The following CADPS2 variants were observed in gnomAD, a reference collection of about 807,000 sequenced individuals.
The protein encoded by CADPS2 is calcium dependent secretion activator 2.
In CADPS2, 93 loss-of-function variants were observed where a neutral mutation model predicts 172.5. That is an observed-to-expected ratio of 0.54 (90% CI 0.46 to 0.64). The LOEUF is 0.64. CADPS2 is among the 30% of genes least tolerant of loss of function. CADPS2 has a pLI of 0.00. For synonymous variants in CADPS2, 546 were observed against 555.2 expected (o/e 0.98, Z 0.23); for missense variants, 1,420 against 1,565.9 (o/e 0.91, Z 1.57).
At chr7:122,872,307 T>C (rs897199557) in intron 1 of CADPS2, among the ~76,000 whole-genome samples, 1 of 152,166 alleles carries the variant, frequency 6.6e-6, no homozygotes, top group Non-Finnish European at 1.5e-5. Flanking sequence ...TAAATTTTCA[T>C]AATTACTTGA....
intron 1 of CADPS2, among the ~76,000 whole-genome samples, chr7:122,784,663 A>C (rs915566268): frequency 6.6e-6 from 1 of 152,146 alleles, no homozygotes; most frequent in Admixed American, 6.5e-5. Flanking sequence ...AGATGAGAAA[A>C]CCAGTGCCAG....
chr7:122,791,600 T>C (rs1481550540), intron 1 of CADPS2, among the ~76,000 whole-genome samples: 1 of 152,056 alleles, frequency 6.6e-6, no homozygotes, highest in East Asian at 1.9e-4. Context: ...TTTAATGACT[T>C]TATCAACATA....
At chr7:122,360,732 C>A in intron 27 of CADPS2, 56 bp downstream of exon 27, 1 of 1,479,660 alleles carries the variant, frequency 6.8e-7, no homozygotes, top group Non-Finnish European at 9.1e-7. Context: ...TGATGAACTG[C>A]AATTTTTTTT....
At chr7:122,724,779 T>C (rs917324837) in intron 2 of CADPS2, among the ~76,000 whole-genome samples, 1 of 152,082 alleles carries the variant, frequency 6.6e-6, no homozygotes, top group Non-Finnish European at 1.5e-5. Flanking sequence ...TCCTCTGTGC[T>C]GAAGCCTCCA....
At chr7:122,401,421 T>C (rs2045938997) in intron 20 of CADPS2, among the ~76,000 whole-genome samples, 1 of 152,188 alleles carries the variant, frequency 6.6e-6, no homozygotes, top group Admixed American at 6.5e-5. Flanking sequence ...GGTGACTAGC[T>C]CCAAGGGTTT....
At chr7:122,515,345 T>C (rs2060279249) in intron 8 of CADPS2, among the ~76,000 whole-genome samples, 2 of 152,194 alleles carry the variant, frequency 1.3e-5, no homozygotes, top group Non-Finnish European at 2.9e-5. Context: ...GCTTCTAATT[T>C]CTTCTCTGTG....
intron 8 of CADPS2, among the ~76,000 whole-genome samples, chr7:122,523,327 A>G (rs1208983459): frequency 6.6e-6 from 1 of 152,182 alleles, no homozygotes; most frequent in Non-Finnish European, 1.5e-5. Flanking sequence ...TAATTCTATA[A>G]AATGTAGTTT....
chr7:122,705,639 AATATATT>A (rs1424242994), intron 2 of CADPS2, among the ~76,000 whole-genome samples: 1 of 93,512 alleles, frequency 1.1e-5, no homozygotes, highest in Non-Finnish European at 1.9e-5. Flanking sequence ...TATGATATAT[AATATATT>A]ATATAATATA....
At chr7:122,405,824 T>C (rs973563416) in intron 20 of CADPS2, among the ~76,000 whole-genome samples, 2 of 152,058 alleles carry the variant, frequency 1.3e-5, no homozygotes, top group African/African-American at 4.8e-5. Flanking sequence ...TGAAATGAAA[T>C]TGGATAGGAG....
At chr7:122,619,247 T>C (rs1160294120) in intron 5 of CADPS2, among the ~76,000 whole-genome samples, 7 of 152,130 alleles carry the variant, frequency 4.6e-5, no homozygotes. Flanking sequence ...GAACTTTTAG[T>C]TCTGAATGTT....
chr7:122,588,987 G>A (rs1199828475), intron 6 of CADPS2, among the ~76,000 whole-genome samples: 1 of 151,984 alleles, frequency 6.6e-6, no homozygotes, highest in Non-Finnish European at 1.5e-5. Context: ...TGGGAGCCAG[G>A]AAACTTGCCT....
At chr7:122,807,156 C>T (rs1375828829) in intron 1 of CADPS2, among the ~76,000 whole-genome samples, 6 of 152,212 alleles carry the variant, frequency 3.9e-5, no homozygotes, top group Non-Finnish European at 7.3e-5. Flanking sequence ...TGCTGGTGGC[C>T]TACCCCAGCG....
intron 16 of CADPS2, among the ~76,000 whole-genome samples, 160 bp from the exon 17 acceptor site, chr7:122,438,624 G>A (rs1048640477): frequency 3.3e-5 from 5 of 151,982 alleles, no homozygotes; most frequent in African/African-American, 1.2e-4. Flanking sequence ...AACCTGGGGG[G>A]ATGTAATGGG....
At chr7:122,576,421 C>T (rs2068046757) in intron 7 of CADPS2, among the ~76,000 whole-genome samples, 2 of 152,126 alleles carry the variant, frequency 1.3e-5, no homozygotes, top group Non-Finnish European at 2.9e-5. Flanking sequence ...TATGTCATAC[C>T]TGTAGAGTAC....
At chr7:122,775,170 C>T (rs2093837714) in intron 1 of CADPS2, among the ~76,000 whole-genome samples, 1 of 152,178 alleles carries the variant, frequency 6.6e-6, no homozygotes, top group South Asian at 2.1e-4. Context: ...ATATTAAAAA[C>T]ATTTAACAAA....
intron 4 of CADPS2, among the ~76,000 whole-genome samples, chr7:122,625,722 C>A (rs2076021660): frequency 1.3e-5 from 2 of 152,208 alleles, no homozygotes; most frequent in East Asian, 1.9e-4. Context: ...CCAGTGCCCA[C>A]AGCCGTGGGA....
At chr7:122,512,850 GT>G (rs2060099779) in intron 9 of CADPS2, among the ~76,000 whole-genome samples, 1 of 152,050 alleles carries the variant, frequency 6.6e-6, no homozygotes, top group African/African-American at 2.4e-5. Flanking sequence ...GGTCAAAACT[GT>G]CTTTATAAGA....
At chr7:122,788,097 A>G (rs1049712979) in intron 1 of CADPS2, among the ~76,000 whole-genome samples, 5 of 152,202 alleles carry the variant, frequency 3.3e-5, no homozygotes, top group Admixed American at 2.6e-4. Context: ...CCCAGCCATC[A>G]GGCTGGAGAA....
intron 3 of CADPS2, among the ~76,000 whole-genome samples, chr7:122,660,753 A>G (rs2080439644): frequency 6.6e-6 from 1 of 152,064 alleles, no homozygotes; most frequent in Non-Finnish European, 1.5e-5. Context: ...TACTAAAAAT[A>G]CAAAAATTAG....
Sources: allele counts gnomAD v4.1 joint callset (sites outside exome capture counted in the v4.1 genomes callset), GRCh38; gene constraint gnomAD v4.1.1; transcripts MANE v1.5; gene names NCBI Gene and HGNC (gene_info 2026-07-23, HGNC 2026-07-21).